The following PRDM5 variants were observed in gnomAD, a reference collection of about 807,000 sequenced individuals.
PRDM5 encodes the protein PR/SET domain 5.
In PRDM5, 56 loss-of-function variants were observed where a neutral mutation model predicts 81.2. The observed-to-expected ratio is 0.69, with a 90% CI of 0.56 to 0.86. The LOEUF (loss-of-function observed/expected upper bound fraction) is 0.86. PRDM5 is among the 40% of genes least tolerant of loss of function. The probability of loss-of-function intolerance (pLI) is 0.00; values close to 1 mark genes in which losing one functional copy is unlikely to be tolerated. For missense variants in PRDM5, 697 were observed against 770.1 expected, an observed-to-expected ratio of 0.91 and a Z score of 1.12; for synonymous variants, 267 against 256.4, an observed-to-expected ratio of 1.04 and a Z score of -0.39.
At chr4:120,826,843 T>A (rs1225824604) in intron 3 of PRDM5, among the ~76,000 whole-genome samples, 1 of 152,076 alleles carries the variant, frequency 6.6e-6, no homozygotes, top group Non-Finnish European at 1.5e-5. Context: ...AGAGGAAGGG[T>A]CAAGGATGAG....
intron 14 of PRDM5, among the ~76,000 whole-genome samples, chr4:120,722,961 C>G (rs941842357): frequency 6.6e-6 from 1 of 152,202 alleles, no homozygotes; most frequent in African/African-American, 2.4e-5. Context: ...ATGGCCCTTC[C>G]TCTGAAATTC....
In PRDM5 at chr4:120,839,200, C is replaced by T. The variant is rs1561447635; in HGVS notation, c.300+14218G>A. On this transcript the variant is annotated intron_variant, in intron 3 of 15. Transcript: ENST00000264808. The stretch of plus-strand genomic sequence containing the variant: ...TTCTCTTCACTCGCAATGTGGCAAG[C>T]AAGGAGCAGGTCTCAGTCTTGTCTG... 3 of 701,308 alleles carry T rather than the reference C, an allele frequency of 4.3e-6. No homozygotes were observed. In the Admixed American group the frequency reaches 6.0e-5, roughly 14 times the overall value. 43.4% of individuals were successfully genotyped at this position (701,308 alleles called of 1,614,324 possible).
chr4:120,748,776 A>T (rs1345102432), intron 14 of PRDM5, among the ~76,000 whole-genome samples: 1 of 152,130 alleles, frequency 6.6e-6, no homozygotes, highest in East Asian at 1.9e-4. Flanking sequence ...AAATGGCTCC[A>T]AATGCCAGTG....
At chr4:120,864,988 A>G (rs775344734) in intron 2 of PRDM5, among the ~76,000 whole-genome samples, 6 of 152,202 alleles carry the variant, frequency 3.9e-5, no homozygotes, top group Non-Finnish European at 2.9e-5. Context: ...TCTCGCATCA[A>G]TAACTGCTCT....
At chr4:120,716,180 A>G (rs1389510952) in intron 14 of PRDM5, among the ~76,000 whole-genome samples, 1 of 152,146 alleles carries the variant, frequency 6.6e-6, no homozygotes, top group Non-Finnish European at 1.5e-5. Flanking sequence ...TATACATGCT[A>G]TTGCTGATTA....
chr4:120,893,744 C>T (rs535271955), intron 2 of PRDM5, among the ~76,000 whole-genome samples: 1 of 152,164 alleles, frequency 6.6e-6, no homozygotes, highest in Admixed American at 6.6e-5. Flanking sequence ...TTTTAGTTTT[C>T]GCATTCACAT....
chr4:120,898,293 G>A lies in PRDM5; in HGVS notation c.177+9181C>T, dbSNP rs1251770133. ...ACCACAGAACACCTTGCTTTTCAAA[G>A]GCATGTGGCTTAACTTTATAATAAT... On this transcript the variant is annotated intron_variant, in intron 2 of 15. Transcript: ENST00000264808. Among the ~76,000 whole-genome samples the A allele has an allele frequency of 4.6e-5, 7 of 152,126 alleles. 1 individual carries two copies. Among genetic ancestry groups the A allele is most frequent in the Admixed American group, 1.3e-4 (2 of 15,276 alleles).
At chr4:120,783,691 T>C (rs1392068338) in intron 11 of PRDM5, among the ~76,000 whole-genome samples, 2 of 152,156 alleles carry the variant, frequency 1.3e-5, no homozygotes, top group African/African-American at 4.8e-5. Flanking sequence ...ACAAATTTTA[T>C]TTTTAAACAC....
At chr4:120,699,637 A>T (rs999821199) in intron 15 of PRDM5, among the ~76,000 whole-genome samples, 1 of 152,176 alleles carries the variant, frequency 6.6e-6, no homozygotes, top group Non-Finnish European at 1.5e-5. Context: ...CTGTTTAATG[A>T]TAATAAAGTT....
At chr4:120,913,543 C>T (rs1158656942) in intron 1 of PRDM5, among the ~76,000 whole-genome samples, 1 of 152,090 alleles carries the variant, frequency 6.6e-6, no homozygotes, top group Non-Finnish European at 1.5e-5. Flanking sequence ...TAATACAAAA[C>T]GGAAATGCAG....
intron 14 of PRDM5, among the ~76,000 whole-genome samples, chr4:120,726,512 CT>C (rs1185375362): frequency 6.6e-6 from 1 of 152,198 alleles, no homozygotes; most frequent in African/African-American, 2.4e-5. Flanking sequence ...ACTTTGTTCT[CT>C]CTCCTTTTAC....
Position 120,706,262 on chromosome 4 carries a change from C to T in PRDM5, c.1728+4047G>A, listed in dbSNP as rs77845763. On this transcript the variant is annotated intron_variant, in intron 15 of 15. Coordinates refer to ENST00000264808, the MANE Select transcript of PRDM5 (RefSeq NM_018699.4). Reference sequence around the variant, plus strand: ...GACTTCTTCATATATATGCAAATAACACCTATATATTCCTGAGTTTTAGTG... The same window carrying T: ...GACTTCTTCATATATATGCAAATAATACCTATATATTCCTGAGTTTTAGTG... Among the ~76,000 whole-genome samples, 741 of 152,190 alleles carry T rather than the reference C, an allele frequency of 4.9e-3. 38 individuals are homozygous for T. The East Asian group carries it at 0.12, about 24-fold the overall frequency.
chr4:120,728,689 G>A (rs116480346), intron 14 of PRDM5, among the ~76,000 whole-genome samples: 7 of 151,934 alleles, frequency 4.6e-5, no homozygotes, highest in African/African-American at 1.5e-4. Context: ...CCTTACATAC[G>A]TCGCCTAGTG....
chr4:120,893,380 G>T (rs1764274762), intron 2 of PRDM5, among the ~76,000 whole-genome samples: 1 of 152,178 alleles, frequency 6.6e-6, no homozygotes. Context: ...GGCCAGCAGG[G>T]TCAGTATTCA....
At position 120,718,910 on chromosome 4, in the gene PRDM5, T is replaced by C. The variant is rs921114006; in HGVS notation, c.1624-8497A>G. 3.9e-5 allele frequency among the ~76,000 whole-genome samples: 6 copies of C among 152,300 alleles called. No individual in the cohort carries two copies. In the South Asian group the frequency reaches 1.0e-3, roughly 26 times the overall value. The stretch of plus-strand genomic sequence containing the variant: ...GGGCAGGTTCACTTAACCCTCAAAC[T>C]TTCTCTTCTGCAAAATGTCTCACTA... On this transcript the variant is annotated intron_variant, in intron 14 of 15. Coordinates refer to ENST00000264808, the MANE Select transcript of PRDM5 (RefSeq NM_018699.4).
chr4:120,908,384 A>AT (rs961711130), intron 1 of PRDM5, among the ~76,000 whole-genome samples: 2 of 152,186 alleles, frequency 1.3e-5, no homozygotes, highest in African/African-American at 4.8e-5. Context: ...GCCTATGACT[A>AT]TTTTTCAGCA....
intron 14 of PRDM5, among the ~76,000 whole-genome samples, chr4:120,728,724 C>T (rs1739811729): frequency 6.6e-6 from 1 of 152,170 alleles, no homozygotes; most frequent in African/African-American, 2.4e-5. Flanking sequence ...TGGTATTGGC[C>T]TTTTAATATT....
chr4:120,782,407 A>G (rs923143219), intron 11 of PRDM5, among the ~76,000 whole-genome samples: 2 of 152,156 alleles, frequency 1.3e-5, no homozygotes, highest in African/African-American at 4.8e-5. Flanking sequence ...ATTTAGAAAT[A>G]TGAAGACTCT....
chr4:120,915,089 C>T (rs1723967339), intron 1 of PRDM5, among the ~76,000 whole-genome samples: 1 of 152,116 alleles, frequency 6.6e-6, no homozygotes, highest in Admixed American at 6.5e-5. Flanking sequence ...TCAAACTTCA[C>T]CACTATACAA....
Sources: gnomAD v4.1 joint callset for allele counts (sites outside exome capture counted in the v4.1 genomes callset) on GRCh38, gnomAD v4.1.1 for gene constraint, MANE v1.5 for transcripts, NCBI Gene and HGNC (gene_info 2026-07-23, HGNC 2026-07-21) for gene names.